The following LRCH3 variants were observed in gnomAD, a reference collection of about 807,000 sequenced individuals.
LRCH3 encodes leucine rich repeats and calponin homology domain containing 3.
Under a neutral mutation model 104.5 loss-of-function variants are expected in LRCH3, and 68 were observed. The observed-to-expected ratio is 0.65, with a 90% CI of 0.54 to 0.80. The LOEUF (loss-of-function observed/expected upper bound fraction) is 0.80. LRCH3 is among the 30% of genes least tolerant of loss of function. The pLI is 0.00. For synonymous variants in LRCH3, 344 were observed against 361.3 expected, an observed-to-expected ratio of 0.95 and a Z score of 0.54; for missense variants, 951 against 953.9, an observed-to-expected ratio of 1.00 and a Z score of 0.04.
intron 1 of LRCH3, among the ~76,000 whole-genome samples, chr3:197,806,415 C>T (rs887231709): frequency 1.3e-5 from 2 of 152,086 alleles, no homozygotes; most frequent in Non-Finnish European, 2.9e-5. Flanking sequence ...GCATGAGTGC[C>T]TGGCCTTGAA....
At chr3:197,882,769 C>G (rs1302080170) in intron 20 of LRCH3, 1 of 985,210 alleles carries the variant, frequency 1.0e-6, no homozygotes, top group Admixed American at 6.1e-5. Flanking sequence ...CTTCCTCAAG[C>G]AAACAGTGTC....
intron 10 of LRCH3, among the ~76,000 whole-genome samples, chr3:197,844,668 A>G (rs1405852329): frequency 2.6e-5 from 4 of 151,480 alleles, no homozygotes; most frequent in Non-Finnish European, 5.9e-5. Flanking sequence ...GCCAGGCTGG[A>G]GTGCAGTGGC....
intron 9 of LRCH3, among the ~76,000 whole-genome samples, chr3:197,836,370 C>G (rs553135836): frequency 2.0e-5 from 3 of 152,192 alleles, no homozygotes; most frequent in African/African-American, 7.2e-5. Context: ...CCTTAGAAAA[C>G]AAATGTGCAT....
At chr3:197,861,408 C>T (rs1052429925) in intron 15 of LRCH3, among the ~76,000 whole-genome samples, 15 of 152,228 alleles carry the variant, frequency 9.9e-5, no homozygotes, top group African/African-American at 3.4e-4. Context: ...TCCATGAACA[C>T]CTTCGGGCAT....
intron 1 of LRCH3, among the ~76,000 whole-genome samples, chr3:197,813,510 A>ATTTTTTTTTTTTTTTT (rs57062885): frequency 1.5e-5 from 1 of 66,032 alleles, no homozygotes; most frequent in African/African-American, 4.7e-5. Flanking sequence ...GAGGCATATA[A>ATTTTTTTTTTTTTTTT]TTTTTTTTTT....
At chr3:197,870,738 A>G (rs1712074423) in intron 18 of LRCH3, among the ~76,000 whole-genome samples, 1 of 151,232 alleles carries the variant, frequency 6.6e-6, no homozygotes, top group Non-Finnish European at 1.5e-5. Context: ...TTAACAGATT[A>G]GTGCTGGGAT....
intron 17 of LRCH3, among the ~76,000 whole-genome samples, chr3:197,867,166 A>C (rs541835581): frequency 6.6e-6 from 1 of 152,268 alleles, no homozygotes; most frequent in South Asian, 2.1e-4. Context: ...AATTCCTGCT[A>C]CTCAGGAGGC....
intron 9 of LRCH3, among the ~76,000 whole-genome samples, chr3:197,836,286 G>C (rs1736781236): frequency 6.6e-6 from 1 of 152,186 alleles, no homozygotes; most frequent in Non-Finnish European, 1.5e-5. Flanking sequence ...TGGAGCTTTT[G>C]TGCTAAGTCA....
At chr3:197,871,566 A>G in intron 19 of LRCH3, 104 bp downstream of exon 19, 1 of 1,479,986 alleles carries the variant, frequency 6.8e-7, no homozygotes, top group South Asian at 1.3e-5. Flanking sequence ...GGATACAGAT[A>G]TAAAGAGTCC....
chr3:197,872,160 C>T (rs999117569), intron 19 of LRCH3, among the ~76,000 whole-genome samples: 1 of 151,806 alleles, frequency 6.6e-6, no homozygotes, highest in African/African-American at 2.4e-5. Flanking sequence ...AGTTTGAGAC[C>T]AGCCAGGACA....
At chr3:197,858,032 C>A (rs531284434) in intron 14 of LRCH3, among the ~76,000 whole-genome samples, 55 of 152,204 alleles carry the variant, frequency 3.6e-4, no homozygotes, top group African/African-American at 1.3e-3. Flanking sequence ...ATAAAGACTT[C>A]ACTATTTTTA....
chr3:197,797,236 G>A (rs1402767783), intron 1 of LRCH3, among the ~76,000 whole-genome samples: 1 of 149,242 alleles, frequency 6.7e-6, no homozygotes, highest in Non-Finnish European at 1.5e-5. Context: ...GGCTGAGGCA[G>A]GAGAATTTCT....
chr3:197,841,809 A>ATGTTT (rs370265011), intron 10 of LRCH3, among the ~76,000 whole-genome samples: 14,110 of 148,270 alleles, frequency 0.095, 1,139 homozygotes, highest in African/African-American at 0.22. Flanking sequence ...CTAGGATTAC[A>ATGTTT]TGTTTTGTTT....
At chr3:197,800,991 A>G (rs1027208520) in intron 1 of LRCH3, among the ~76,000 whole-genome samples, 4 of 151,852 alleles carry the variant, frequency 2.6e-5, no homozygotes, top group African/African-American at 9.7e-5. Flanking sequence ...GCTACTCAGG[A>G]GGCTGAGGCA....
intron 1 of LRCH3, among the ~76,000 whole-genome samples, chr3:197,794,363 A>C (rs1441919097): frequency 6.6e-6 from 1 of 152,256 alleles, no homozygotes; most frequent in East Asian, 1.9e-4. Flanking sequence ...GCTAAAGGAC[A>C]GAGGAGACGG....
chr3:197,793,064 C>T (rs1351977153), intron 1 of LRCH3, among the ~76,000 whole-genome samples: 3 of 152,238 alleles, frequency 2.0e-5, no homozygotes, highest in Non-Finnish European at 4.4e-5. Flanking sequence ...GTTGAGATTA[C>T]AGGCGTGAGC....
intron 19 of LRCH3, among the ~76,000 whole-genome samples, chr3:197,873,684 C>T (rs1352940480): frequency 1.3e-5 from 2 of 152,100 alleles, no homozygotes; most frequent in Non-Finnish European, 2.9e-5. Flanking sequence ...ACGATCATGC[C>T]ACTGCACAAC....
At position 197,887,245 on chromosome 3, in the gene LRCH3, C is replaced by T. The variant is rs1473030736; in HGVS notation, c.*3579C>T. On this transcript the variant is annotated 3_prime_UTR_variant, in exon 21 of 21. Coordinates refer to ENST00000425562, the MANE Select transcript of LRCH3 (RefSeq NM_001365715.1). Reference sequence around the variant, plus strand: ...AATTGGAAAGCACAATTCGGTTTAACATTTAGCTTTGCTTGACTCCAGTGT... The same window carrying T: ...AATTGGAAAGCACAATTCGGTTTAATATTTAGCTTTGCTTGACTCCAGTGT... 2.0e-5 allele frequency: 3 copies of T among 152,018 alleles called. No homozygotes were observed. The East Asian group carries it at 5.8e-4, about 29-fold the overall frequency. The allele number at this position is 152,018 out of a possible 1,614,324, so 9.4% of individuals were successfully genotyped here.
chr3:197,834,496 CTCTT>C (rs1391458000), intron 8 of LRCH3, among the ~76,000 whole-genome samples: 11 of 152,186 alleles, frequency 7.2e-5, no homozygotes, highest in Admixed American at 6.6e-5. Context: ...TAGTCAGAAA[CTCTT>C]TCTTTCTCGA....
Sources: allele counts gnomAD v4.1 joint callset (sites outside exome capture counted in the v4.1 genomes callset), GRCh38; gene constraint gnomAD v4.1.1; transcripts MANE v1.5; gene names NCBI Gene and HGNC (gene_info 2026-07-23, HGNC 2026-07-21).